MYO9B: variants seen among roughly 807,000 people sequenced by gnomAD.
The protein encoded by MYO9B is unconventional myosin-IXb.
MYO9B carries 71 observed loss-of-function variants against 229.5 expected under a neutral mutation model. The ratio of observed to expected loss-of-function variants is 0.31; its 90% confidence interval spans 0.26 to 0.38. The LOEUF is 0.38. Ranked by LOEUF, MYO9B falls within the 10% of genes least tolerant of loss-of-function variation. The pLI is 1.00. For missense variants in MYO9B, 2,255 were observed against 2,920.5 expected (o/e 0.77, Z 5.25); for synonymous variants, 1,185 against 1,235.8 (o/e 0.96, Z 0.86).
rs766753079 is a variant in MYO9B, at chr19:17,191,182, A to C, written c.2774A>C (p.Lys925Thr). 8 of 1,612,258 alleles carry C rather than the reference A, an allele frequency of 5.0e-6. No homozygotes were observed. The highest frequency in any genetic ancestry group is 6.8e-6 in the Non-Finnish European group (8 of 1,179,158). The change falls in exon 20 of 40, where the codon AAG becomes ACG. Residue 925 changes from lysine to threonine, a missense_variant. By Grantham distance (78) the Lys-to-Thr change is moderately conservative. Around this residue, in one of 7 missense-constraint regions of MYO9B, gnomAD observed 679 missense variants for 770.2 expected, o/e 0.88. Coordinates refer to ENST00000682292, the MANE Select transcript of MYO9B (RefSeq NM_004145.4). ...EVISTLLEKM[K>T]IDKRNYQIGK... ...ATCTCCACCCTCCTGGAGAAAATGA[A>C]GATAGACAAGAGGAACTACCAGATC...
intron 8 of MYO9B, among the ~76,000 whole-genome samples, chr19:17,160,768 C>T (rs113325623): frequency 2.2e-4 from 34 of 152,182 alleles, no homozygotes; most frequent in African/African-American, 7.7e-4. Context: ...GGCAGGATCT[C>T]GGCTCACTGC....
chr19:17,123,424 T>TG (rs2057983797), intron 2 of MYO9B, among the ~76,000 whole-genome samples: 13 of 146,824 alleles, frequency 8.9e-5, no homozygotes, highest in Non-Finnish European at 1.5e-4. Context: ...CAGTAGAAAT[T>TG]TGTGTGTGTG....
chr19:17,081,161 G>A (rs1249394252), intron 1 of MYO9B, among the ~76,000 whole-genome samples: 1 of 152,110 alleles, frequency 6.6e-6, no homozygotes, highest in East Asian at 1.9e-4. Flanking sequence ...CCGAGTAGCT[G>A]GGACTACAGG....
chr19:17,092,948 T>A (rs968188781), intron 1 of MYO9B, among the ~76,000 whole-genome samples: 1 of 151,976 alleles, frequency 6.6e-6, no homozygotes, highest in Admixed American at 6.6e-5. Context: ...CACAGAAGTG[T>A]GTGTATTCAC....
chr19:17,129,669 G>T (rs2072170309), intron 2 of MYO9B, among the ~76,000 whole-genome samples: 1 of 152,220 alleles, frequency 6.6e-6, no homozygotes, highest in Non-Finnish European at 1.5e-5. Context: ...TGGCAGGTCT[G>T]CTTCTTAAAG....
chr19:17,189,726 C>T (rs1033424178), intron 19 of MYO9B, among the ~76,000 whole-genome samples: 15 of 152,108 alleles, frequency 9.9e-5, no homozygotes, highest in African/African-American at 3.1e-4. Flanking sequence ...CCTCGACCAT[C>T]TAAAAGATCT....
intron 7 of MYO9B, among the ~76,000 whole-genome samples, chr19:17,159,089 G>A (rs1400063691): frequency 6.6e-6 from 1 of 152,132 alleles, no homozygotes; most frequent in South Asian, 2.1e-4. Context: ...AATTACTGGG[G>A]AGGCTGAGGC....
chr19:17,152,183 T>TTG (rs1555698199), intron 3 of MYO9B, among the ~76,000 whole-genome samples: 50 of 84,214 alleles, frequency 5.9e-4, no homozygotes, highest in African/African-American at 2.1e-3. Flanking sequence ...TAAGACTCCA[T>TTG]CACAAAAAAA....
chr19:17,096,678 GTT>G (rs2057692564), intron 1 of MYO9B, among the ~76,000 whole-genome samples: 1 of 103,696 alleles, frequency 9.6e-6, no homozygotes, highest in Non-Finnish European at 1.8e-5. Context: ...TGTTGTTGTT[GTT>G]GTTGTTGTTG....
At chr19:17,116,622 T>TC (rs1357736546) in intron 2 of MYO9B, among the ~76,000 whole-genome samples, 3 of 151,880 alleles carry the variant, frequency 2.0e-5, no homozygotes, top group Non-Finnish European at 2.9e-5. Flanking sequence ...GCCTGGGTGT[T>TC]CCCCCCACAG....
At chr19:17,162,506 A>G in intron 9 of MYO9B, 40 bp downstream of exon 9, 1 of 1,502,538 alleles carries the variant, frequency 6.7e-7, no homozygotes. Flanking sequence ...CGGCCAGGGG[A>G]GGCCACATCC....
At chr19:17,137,674 C>T (rs1270263432) in intron 2 of MYO9B, among the ~76,000 whole-genome samples, 3 of 152,202 alleles carry the variant, frequency 2.0e-5, no homozygotes, top group Non-Finnish European at 2.9e-5. Flanking sequence ...GTCCGGGCTT[C>T]AAGCTCTGCC....
chr19:17,096,406 C>T (rs2057688760), intron 1 of MYO9B, among the ~76,000 whole-genome samples: 1 of 152,012 alleles, frequency 6.6e-6, no homozygotes, highest in Admixed American at 6.6e-5. Context: ...GTGGCTCATG[C>T]CTGTAATCCC....
chr19:17,199,496 G>A (rs2073082280), intron 24 of MYO9B, among the ~76,000 whole-genome samples: 1 of 151,524 alleles, frequency 6.6e-6, no homozygotes, highest in African/African-American at 2.4e-5. Context: ...AGATAATCCT[G>A]TGTTGTTTTT....
chr19:17,209,088 TACTG>T lies in MYO9B; in HGVS notation c.5625-495_5625-492del, dbSNP rs1403102101. 5.3e-5 allele frequency among the ~76,000 whole-genome samples: 8 copies of T among 151,830 alleles called. No homozygotes were observed. In the South Asian group the frequency reaches 1.0e-3, roughly 20 times the overall value. On this transcript the variant is annotated intron_variant, in intron 35 of 39. Transcript: ENST00000682292. The stretch of plus-strand genomic sequence containing the variant: ...ACCACTCCAAGCTGGGTCCCTCTGA[TACTG>T]ACCACTCCAGGCTGAGTTCCTCCCA...
At chr19:17,098,853 T>A (rs2057716929) in intron 1 of MYO9B, among the ~76,000 whole-genome samples, 1 of 149,188 alleles carries the variant, frequency 6.7e-6, no homozygotes, top group Non-Finnish European at 1.5e-5. Context: ...GAGGATCACA[T>A]GAGCCCAGGG....
intron 1 of MYO9B, among the ~76,000 whole-genome samples, chr19:17,095,158 G>T (rs960924120): frequency 6.6e-6 from 1 of 152,226 alleles, no homozygotes; most frequent in East Asian, 1.9e-4. Flanking sequence ...CAGGAGAATC[G>T]CTTGAACCCA....
chr19:17,108,858 C>T lies in MYO9B; in HGVS notation c.840+6301C>T, dbSNP rs147170524. On this transcript the variant is annotated intron_variant, in intron 2 of 39. Coordinates refer to ENST00000682292, the MANE Select transcript of MYO9B (RefSeq NM_004145.4). ...CCTCCCGAGTAGCTGGGACTACAGG[C>T]GCCCACCACCGTGCCCGGCTAATGT... Among the ~76,000 whole-genome samples, 223 of 149,766 alleles carry T rather than the reference C, an allele frequency of 1.5e-3. 4 individuals are homozygous for T. In the East Asian group the frequency reaches 0.041, roughly 28 times the overall value.
At chr19:17,152,747 A>G in intron 4 of MYO9B, 41 bp downstream of exon 4, 1 of 1,538,306 alleles carries the variant, frequency 6.5e-7, no homozygotes, top group Non-Finnish European at 9.0e-7. Flanking sequence ...ATGCCACGCC[A>G]TGTCTACGTT....
Sources: gnomAD v4.1 joint callset for allele counts (sites outside exome capture counted in the v4.1 genomes callset) on GRCh38, gnomAD v4.1.1 for gene constraint, gnomAD v4.1.1 regional missense constraint, MANE v1.5 for transcripts, NCBI Gene and HGNC (gene_info 2026-07-23, HGNC 2026-07-21) for gene names.